TMEM132D: variants seen among roughly 807,000 people sequenced by gnomAD.
The protein encoded by TMEM132D is mature OL transmembrane protein.
TMEM132D carries 21 observed loss-of-function variants against 62.3 expected under a neutral mutation model. That is an observed-to-expected ratio of 0.34 (90% CI 0.24 to 0.49). The LOEUF (loss-of-function observed/expected upper bound fraction) is 0.49. Among genes scored for constraint, TMEM132D ranks in the 20% least tolerant of loss-of-function variants. The probability of loss-of-function intolerance (pLI) is 0.99; values close to 1 mark genes in which losing one functional copy is unlikely to be tolerated. For missense variants in TMEM132D, 1,346 were observed against 1,402.8 expected, an observed-to-expected ratio of 0.96 and a Z score of 0.65; for synonymous variants, 621 against 575.6, an observed-to-expected ratio of 1.08 and a Z score of -1.13.
intron 2 of TMEM132D, among the ~76,000 whole-genome samples, chr12:129,550,076 C>G (rs1876852034): frequency 6.6e-6 from 1 of 152,142 alleles, no homozygotes; most frequent in Admixed American, 6.5e-5. Context: ...GATGTTTACC[C>G]AGCTCTGATT....
intron 3 of TMEM132D, among the ~76,000 whole-genome samples, chr12:129,511,890 G>A (rs1875507155): frequency 6.6e-6 from 1 of 152,122 alleles, no homozygotes; most frequent in Non-Finnish European, 1.5e-5. Context: ...TTCAGATGAG[G>A]AAAATAAGAC....
chr12:129,450,074 G>A (rs7971120), intron 3 of TMEM132D, among the ~76,000 whole-genome samples: 16,111 of 151,882 alleles, frequency 0.11, 1,169 homozygotes, highest in South Asian at 0.27. Context: ...TTTTTTTCTC[G>A]TAAATTTAAG....
At chr12:129,481,930 G>A (rs11060372) in intron 3 of TMEM132D, among the ~76,000 whole-genome samples, 87,764 of 152,114 alleles carry the variant, frequency 0.58, 26,804 homozygotes, top group African/African-American at 0.79. Flanking sequence ...TGAGGCCTGC[G>A]TTGGCCGCTG....
chr12:129,862,673 GT>G (rs968426376), intron 1 of TMEM132D, among the ~76,000 whole-genome samples: 1 of 152,150 alleles, frequency 6.6e-6, no homozygotes, highest in Non-Finnish European at 1.5e-5. Flanking sequence ...CTGGAGGACT[GT>G]TTATTTGAAT....
intron 4 of TMEM132D, among the ~76,000 whole-genome samples, chr12:129,304,114 T>C (rs575141319): frequency 1.3e-5 from 2 of 152,364 alleles, no homozygotes; most frequent in East Asian, 3.9e-4. Flanking sequence ...TTACCGACTA[T>C]CTGGCTATCC....
intron 3 of TMEM132D, among the ~76,000 whole-genome samples, chr12:129,490,810 A>T (rs1874767235): frequency 6.6e-6 from 1 of 151,418 alleles, no homozygotes; most frequent in Admixed American, 6.6e-5. Flanking sequence ...CCCAAATAGC[A>T]GCAGCTGGCA....
intron 2 of TMEM132D, among the ~76,000 whole-genome samples, chr12:129,695,004 T>A (rs1251732853): frequency 2.0e-5 from 3 of 152,002 alleles, no homozygotes; most frequent in Non-Finnish European, 4.4e-5. Context: ...TGAGACTCCG[T>A]CTCAAAAAAA....
intron 2 of TMEM132D, among the ~76,000 whole-genome samples, chr12:129,588,329 C>T (rs546952765): frequency 4.6e-5 from 7 of 152,344 alleles, no homozygotes; most frequent in African/African-American, 1.7e-4. Context: ...ACCAGCATGA[C>T]TCACTTGTGC....
chr12:129,356,682 A>AAAT (rs1320094965), intron 3 of TMEM132D, among the ~76,000 whole-genome samples: 182 of 149,038 alleles, frequency 1.2e-3, no homozygotes, highest in African/African-American at 4.1e-3. Flanking sequence ...ATAAATAAAT[A>AAAT]AATAAATAAA....
intron 2 of TMEM132D, among the ~76,000 whole-genome samples, chr12:129,689,242 A>C (rs1235365241): frequency 6.6e-6 from 1 of 152,166 alleles, no homozygotes; most frequent in African/African-American, 2.4e-5. Flanking sequence ...CAGCACTTAA[A>C]TATCACAATT....
intron 5 of TMEM132D, among the ~76,000 whole-genome samples, chr12:129,136,048 C>T (rs925297504): frequency 2.0e-5 from 3 of 152,126 alleles, no homozygotes; most frequent in Non-Finnish European, 2.9e-5. Context: ...TAATTCAACT[C>T]ATAACAGATG....
At chr12:129,477,865 C>G (rs961229923) in intron 3 of TMEM132D, among the ~76,000 whole-genome samples, 9 of 149,608 alleles carry the variant, frequency 6.0e-5, no homozygotes, top group African/African-American at 1.5e-4. Context: ...CACACATATA[C>G]AGAGAGAGAG....
chr12:129,093,607 G>T (rs2135629994), intron 5 of TMEM132D, among the ~76,000 whole-genome samples: 2 of 152,210 alleles, frequency 1.3e-5, no homozygotes, highest in South Asian at 4.1e-4. Context: ...TGGCCATACT[G>T]CCCAAGGTCA....
At chr12:129,204,607 A>T (rs1473849814) in intron 5 of TMEM132D, among the ~76,000 whole-genome samples, 1 of 152,262 alleles carries the variant, frequency 6.6e-6, no homozygotes, top group African/African-American at 2.4e-5. Flanking sequence ...AACATATTTC[A>T]GGATATCACC....
intron 1 of TMEM132D, among the ~76,000 whole-genome samples, chr12:129,706,135 G>C (rs1741918467): frequency 6.6e-6 from 1 of 151,930 alleles, no homozygotes; most frequent in Non-Finnish European, 1.5e-5. Flanking sequence ...AAATTTATGA[G>C]TTATGATATT....
chr12:129,543,742 C>G (rs1175205332), intron 2 of TMEM132D, among the ~76,000 whole-genome samples: 1 of 152,190 alleles, frequency 6.6e-6, no homozygotes, highest in Non-Finnish European at 1.5e-5. Flanking sequence ...CCACCATAAG[C>G]TAAGGCCATC....
At chr12:129,468,866 T>C (rs1182182747) in intron 3 of TMEM132D, among the ~76,000 whole-genome samples, 1 of 152,224 alleles carries the variant, frequency 6.6e-6, no homozygotes, top group African/African-American at 2.4e-5. Context: ...TTTAATGTCA[T>C]GTTTTTAAAA....
intron 3 of TMEM132D, among the ~76,000 whole-genome samples, chr12:129,513,292 A>G (rs1176946860): frequency 6.6e-6 from 1 of 152,032 alleles, no homozygotes; most frequent in Non-Finnish European, 1.5e-5. Flanking sequence ...TCAAGAACCA[A>G]TCCAGCCTTT....
chr12:129,444,873 C>T (rs1873051967), intron 3 of TMEM132D, among the ~76,000 whole-genome samples: 1 of 152,202 alleles, frequency 6.6e-6, no homozygotes, highest in African/African-American at 2.4e-5. Flanking sequence ...TGCTTACACA[C>T]TGTTGGTGGA....
Sources: gnomAD v4.1 joint callset for allele counts (sites outside exome capture counted in the v4.1 genomes callset) on GRCh38, gnomAD v4.1.1 for gene constraint, MANE v1.5 for transcripts, NCBI Gene and HGNC (gene_info 2026-07-23, HGNC 2026-07-21) for gene names.